Variants in PLAT observed in about 807,000 individuals in gnomAD.
The protein encoded by PLAT is tissue-type plasminogen activator.
In PLAT, 48 loss-of-function variants were observed where a neutral mutation model predicts 74.9. That is an observed-to-expected ratio of 0.64 (90% CI 0.51 to 0.82). The LOEUF (loss-of-function observed/expected upper bound fraction) is 0.82. Among genes scored for constraint, PLAT ranks in the 40% least tolerant of loss-of-function variants. The pLI, the probability that PLAT is intolerant of heterozygous loss-of-function variation, is 0.00. For synonymous variants in PLAT, 307 were observed against 294.4 expected (o/e 1.04, Z -0.44); for missense variants, 673 against 736.2 (o/e 0.91, Z 0.99).
At chr8:42,180,097 G>C (rs754241962) in intron 11 of PLAT, 31 bp from the exon 12 acceptor site, 1 of 1,595,556 alleles carries the variant, frequency 6.3e-7, no homozygotes, top group South Asian at 1.1e-5. Context: ...GTGAGCTGGC[G>C]TGAGGGCCGC....
At chr8:42,199,026 G>A (rs8178703) in intron 1 of PLAT, among the ~76,000 whole-genome samples, 8 of 152,138 alleles carry the variant, frequency 5.3e-5, no homozygotes, top group Non-Finnish European at 1.0e-4. Flanking sequence ...AAAGGGTGGC[G>A]TGCTCCCACG....
chr8:42,206,356 C>T (rs1165932228), intron 1 of PLAT, among the ~76,000 whole-genome samples: 1 of 152,168 alleles, frequency 6.6e-6, no homozygotes, highest in Non-Finnish European at 1.5e-5. Context: ...TCTGCCTGCA[C>T]AGGAAGCACG....
chr8:42,196,637 G>A (rs921392366), intron 1 of PLAT, among the ~76,000 whole-genome samples: 4 of 152,210 alleles, frequency 2.6e-5, no homozygotes, highest in South Asian at 2.1e-4. Flanking sequence ...ACTCAGACTC[G>A]GGACCGCAGG....
rs749845865 is a variant in PLAT at position 42,175,445 on chromosome 8, G to A, written c.*548C>T. On this transcript the variant is annotated 3_prime_UTR_variant, in exon 14 of 14. Coordinates refer to ENST00000220809, the MANE Select transcript of PLAT (RefSeq NM_000930.5). ...TACACAAAAGGAATACCTTCTGAGA[G>A]CCAGGGAGTGGGGAAAGGGGAAGGA... 6.5e-6 allele frequency: 1 copy of A among 153,440 alleles called. No individual in the cohort carries two copies. The highest frequency in any genetic ancestry group is 2.4e-5 in the African/African-American group (1 of 41,478). The allele number at this position is 153,440 out of a possible 1,614,324, so 9.5% of individuals were successfully genotyped here.
At chr8:42,197,813 A>C (rs1317570231) in intron 1 of PLAT, among the ~76,000 whole-genome samples, 1 of 152,220 alleles carries the variant, frequency 6.6e-6, no homozygotes, top group African/African-American at 2.4e-5. Flanking sequence ...AAATGACTGA[A>C]AAATAATTAA....
At position 42,194,902 on chromosome 8, in the gene PLAT, G is replaced by A. The variant is rs74645696; in HGVS notation, c.-26-1691C>T. ...GAGGGGAGGCAAATGATGTTTGGTC[G>A]GAAGACTCAGATCTTCCTGGACCCC... On this transcript the variant is annotated intron_variant, in intron 1 of 13. Coordinates refer to ENST00000220809, the MANE Select transcript of PLAT (RefSeq NM_000930.5). 1.0e-3 allele frequency among the ~76,000 whole-genome samples: 156 copies of A among 152,168 alleles called. 3 individuals carry two copies. The highest frequency in any genetic ancestry group is 3.5e-3 in the African/African-American group (146 of 41,520).
At chr8:42,184,061 C>G (rs8178768) in intron 7 of PLAT, among the ~76,000 whole-genome samples, 21 of 151,938 alleles carry the variant, frequency 1.4e-4, no homozygotes, top group African/African-American at 4.6e-4. Flanking sequence ...CCACCTGAGC[C>G]TCCCAAGCAG....
At chr8:42,181,483 C>T (rs897828584) in intron 9 of PLAT, among the ~76,000 whole-genome samples, 5 of 152,160 alleles carry the variant, frequency 3.3e-5, no homozygotes, top group African/African-American at 7.2e-5. Context: ...CGGTGCCCAG[C>T]GAGCTTGGGC....
chr8:42,195,160 G>T (rs1347829513), intron 1 of PLAT, among the ~76,000 whole-genome samples: 3 of 151,762 alleles, frequency 2.0e-5, no homozygotes, highest in African/African-American at 7.3e-5. Context: ...AGGCACAGGG[G>T]CTTCCAGGCC....
intron 1 of PLAT, among the ~76,000 whole-genome samples, chr8:42,204,454 C>G (rs986489534): frequency 1.4e-4 from 21 of 152,110 alleles, no homozygotes; most frequent in Non-Finnish European, 2.9e-4. Flanking sequence ...CAAAGAAAAA[C>G]CTGTCTGGGC....
In PLAT at chr8:42,191,372, C is replaced by G. The variant is rs1446229320; in HGVS notation, c.115G>C (p.Val39Leu). 6.2e-7 allele frequency: 1 copy of G among 1,614,056 alleles called. No homozygotes were observed. Among genetic ancestry groups the G allele is most frequent in the Non-Finnish European group, 8.5e-7 (1 of 1,179,886 alleles). ...RFRRGARSYQ[V>L]ICRDEKTQMI... Reference sequence around the variant, plus strand: ...CATGCACCCCTCAGCTTCACCCGACCTTGGTAAGATCTGGCTCCTCTTCTG... The same window carrying G: ...CATGCACCCCTCAGCTTCACCCGACGTTGGTAAGATCTGGCTCCTCTTCTG... The change falls in exon 3 of 14, where the codon GTG becomes CTG. Residue 39 changes from valine (V) to leucine (L), a missense_variant and splice_region_variant. By Grantham distance (32) the Val-to-Leu change is conservative (BLOSUM62 1). Transcript: ENST00000220809.
intron 1 of PLAT, among the ~76,000 whole-genome samples, chr8:42,202,398 T>C (rs1351470885): frequency 1.3e-5 from 2 of 152,058 alleles, no homozygotes; most frequent in Admixed American, 6.6e-5. Context: ...GTCCCCTGCC[T>C]TCTGGAGACT....
intron 1 of PLAT, among the ~76,000 whole-genome samples, chr8:42,198,888 C>T (rs1284540650): frequency 3.5e-4 from 53 of 152,240 alleles, no homozygotes; most frequent in Non-Finnish European, 5.9e-5. Context: ...CCCGCCACAA[C>T]CACCATAGCC....
chr8:42,198,361 G>A lies in PLAT; in HGVS notation c.-26-5150C>T, dbSNP rs560118637. 2.6e-5 allele frequency among the ~76,000 whole-genome samples: 4 copies of A among 152,216 alleles called. No individual in the cohort carries two copies. In the South Asian group the frequency reaches 6.2e-4, roughly 24 times the overall value. ...AAAAAAATTAGCTGGGCATGGTGGC[G>A]GGCGCCTATAATCCCAGCTACTCAG... On this transcript the variant is annotated intron_variant, in intron 1 of 13. Coordinates refer to ENST00000220809, the MANE Select transcript of PLAT (RefSeq NM_000930.5).
At chr8:42,180,098 T>A (rs1268901130) in intron 11 of PLAT, 32 bp from the exon 12 acceptor site, 2 of 1,594,114 alleles carry the variant, frequency 1.3e-6, no homozygotes, top group East Asian at 2.2e-5. Context: ...TGAGCTGGCG[T>A]GAGGGCCGCG....
intron 1 of PLAT, among the ~76,000 whole-genome samples, chr8:42,202,305 G>A (rs1419464060): frequency 2.6e-5 from 4 of 152,064 alleles, no homozygotes; most frequent in African/African-American, 7.2e-5. Flanking sequence ...AAAGTGCTGG[G>A]ATTACAGGCA....
At chr8:42,183,005 A>C (rs777972576) in intron 7 of PLAT, 115 bp from the exon 8 acceptor site, 2 of 759,438 alleles carry the variant, frequency 2.6e-6, no homozygotes, top group Non-Finnish European at 4.4e-6. Context: ...CTAGCCCGGC[A>C]CTGAGAAGAG....
intron 1 of PLAT, among the ~76,000 whole-genome samples, chr8:42,205,736 A>G (rs1806305789): frequency 6.6e-6 from 1 of 152,174 alleles, no homozygotes; most frequent in South Asian, 2.1e-4. Context: ...TACATTGATT[A>G]ATGTCTCATG....
At position 42,175,127 on chromosome 8, in the gene PLAT, G is replaced by A. The variant is rs1804916377; in HGVS notation, c.*866C>T. 1.3e-5 allele frequency: 2 copies of A among 152,166 alleles called. No homozygotes were observed. 9.4% of individuals were successfully genotyped at this position (152,166 alleles called of 1,614,324 possible). ...GCCCATTGCCTTGTATGTTACAGGT[G>A]TTGTGTATATGTTAAGCGAGTGAAG... On this transcript the variant is annotated 3_prime_UTR_variant, in exon 14 of 14. Transcript: ENST00000220809.
Sources: allele counts gnomAD v4.1 joint callset (sites outside exome capture counted in the v4.1 genomes callset), GRCh38; gene constraint gnomAD v4.1.1; transcripts MANE v1.5; gene names NCBI Gene and HGNC (gene_info 2026-07-23, HGNC 2026-07-21).